SKAP1: variants seen among roughly 807,000 people sequenced by gnomAD.
SKAP1 encodes src kinase associated phosphoprotein 1, also known as src kinase-associated phosphoprotein 1.
Under a neutral mutation model 58.5 loss-of-function variants are expected in SKAP1, and 44 were observed. The observed-to-expected ratio is 0.75, with a 90% CI of 0.59 to 0.97. The LOEUF (loss-of-function observed/expected upper bound fraction) is 0.97. Among genes scored for constraint, SKAP1 ranks in the 50% least tolerant of loss-of-function variants. The pLI, the probability that SKAP1 is intolerant of heterozygous loss-of-function variation, is 0.00. For missense variants in SKAP1, 390 were observed against 435.2 expected (o/e 0.90, Z 0.92); for synonymous variants, 127 against 149.7 (o/e 0.85, Z 1.11).
intron 4 of SKAP1, among the ~76,000 whole-genome samples, chr17:48,227,275 C>T (rs970155635): frequency 5.9e-5 from 9 of 152,148 alleles, no homozygotes; most frequent in East Asian, 3.8e-4. Context: ...TTGTTCTGTG[C>T]GCTAGTCCTA....
At chr17:48,414,501 T>G (rs796684017) in intron 1 of SKAP1, among the ~76,000 whole-genome samples, 11 of 152,284 alleles carry the variant, frequency 7.2e-5, no homozygotes, top group African/African-American at 2.4e-4. Flanking sequence ...TGTAGCAATA[T>G]ACAGTATTTT....
intron 4 of SKAP1, among the ~76,000 whole-genome samples, chr17:48,263,228 A>G (rs2065503196): frequency 6.6e-6 from 1 of 152,222 alleles, no homozygotes; most frequent in Non-Finnish European, 1.5e-5. Flanking sequence ...TACAAGAAAT[A>G]CTGAAAGGGC....
At chr17:48,334,168 GTTAAAC>G (rs1283777980) in intron 4 of SKAP1, among the ~76,000 whole-genome samples, 2 of 151,866 alleles carry the variant, frequency 1.3e-5, no homozygotes, top group East Asian at 3.8e-4. Context: ...AGCTACACAA[GTTAAAC>G]TTCTGCAAAC....
At chr17:48,226,158 C>T (rs759909141) in intron 4 of SKAP1, among the ~76,000 whole-genome samples, 13 of 152,124 alleles carry the variant, frequency 8.5e-5, no homozygotes, top group Non-Finnish European at 1.6e-4. Flanking sequence ...CTACTGTCCC[C>T]CAAATAAACT....
chr17:48,224,236 G>A lies in SKAP1; in HGVS notation c.281-34736C>T, dbSNP rs564286896. Among the ~76,000 whole-genome samples, 33 of 152,330 alleles carry A rather than the reference G, an allele frequency of 2.2e-4. 2 individuals carry two copies. The South Asian group carries it at 6.4e-3, about 30-fold the overall frequency. Reference sequence around the variant, plus strand: ...TTTTGGTGGATATGTAGGTGTGGGTGTATTCTAAGAAATAAGCTAAACATT... The same window carrying A: ...TTTTGGTGGATATGTAGGTGTGGGTATATTCTAAGAAATAAGCTAAACATT... On this transcript the variant is annotated intron_variant, in intron 4 of 12. Transcript: ENST00000336915.
intron 4 of SKAP1, among the ~76,000 whole-genome samples, chr17:48,300,831 G>A (rs1270554745): frequency 6.6e-6 from 1 of 152,078 alleles, no homozygotes; most frequent in African/African-American, 2.4e-5. Context: ...CCTGCTCCAT[G>A]GCTTTTTACT....
At chr17:48,365,779 CTT>C (rs11320627) in intron 2 of SKAP1, among the ~76,000 whole-genome samples, 25,331 of 139,516 alleles carry the variant, frequency 0.18, 2,229 homozygotes, top group Middle Eastern at 0.2. Flanking sequence ...TGCGTCGGAG[CTT>C]TTTTTTTTTT....
chr17:48,404,227 C>T (rs1013876700), intron 1 of SKAP1, among the ~76,000 whole-genome samples: 5 of 151,884 alleles, frequency 3.3e-5, no homozygotes, highest in African/African-American at 9.7e-5. Context: ...CCGAGGCGGG[C>T]GGATCACCTG....
intron 2 of SKAP1, among the ~76,000 whole-genome samples, chr17:48,382,826 C>T (rs2067232712): frequency 6.6e-6 from 1 of 152,216 alleles, no homozygotes; most frequent in Non-Finnish European, 1.5e-5. Context: ...AAAGTATCTT[C>T]ACCCTCCAGG....
chr17:48,366,649 C>G (rs140063058), intron 2 of SKAP1, among the ~76,000 whole-genome samples: 2 of 152,102 alleles, frequency 1.3e-5, no homozygotes, highest in African/African-American at 4.8e-5. Context: ...CTGGCCACCA[C>G]GAAGAATTTT....
intron 3 of SKAP1, among the ~76,000 whole-genome samples, chr17:48,354,735 T>C (rs773194819): frequency 2.0e-5 from 3 of 152,198 alleles, no homozygotes; most frequent in Non-Finnish European, 4.4e-5. Flanking sequence ...AGAAGCCAAA[T>C]GAAAAATAAA....
At chr17:48,201,542 CTT>C in intron 4 of SKAP1, among the ~76,000 whole-genome samples, 1 of 152,272 alleles carries the variant, frequency 6.6e-6, no homozygotes, top group African/African-American at 2.4e-5. Flanking sequence ...CACCGCCACA[CTT>C]GGCTAATTTA....
Position 48,379,769 on chromosome 17 carries a change from C to T in SKAP1, c.153-15955G>A, listed in dbSNP as rs1029086534. On this transcript the variant is annotated intron_variant, in intron 2 of 12. Transcript: ENST00000336915. ...TAATCTCAGTTCACTGCAACCTCTG[C>T]CTCCCGGGTTCAAGCAATTCTCCTG... Among the ~76,000 whole-genome samples, 16 of 150,900 alleles carry T rather than the reference C, an allele frequency of 1.1e-4. No individual in the cohort carries two copies. The East Asian group carries it at 3.1e-3, about 29-fold the overall frequency.
At chr17:48,364,230 A>G (rs1264745176) in intron 2 of SKAP1, among the ~76,000 whole-genome samples, 1 of 151,720 alleles carries the variant, frequency 6.6e-6, no homozygotes, top group Non-Finnish European at 1.5e-5. Flanking sequence ...TAACAGTCAA[A>G]CCCCACCACC....
intron 4 of SKAP1, among the ~76,000 whole-genome samples, chr17:48,270,316 T>C (rs546354949): frequency 6.6e-6 from 1 of 152,220 alleles, no homozygotes; most frequent in East Asian, 1.9e-4. Context: ...AAGTCAGTCT[T>C]TAAAAATTTT....
chr17:48,257,764 GA>G (rs1339021424), intron 4 of SKAP1, among the ~76,000 whole-genome samples: 32 of 150,294 alleles, frequency 2.1e-4, no homozygotes, highest in Admixed American at 2.7e-4. Flanking sequence ...TAACACTATA[GA>G]AAAAAACTAC....
At chr17:48,278,898 T>A (rs944087116) in intron 4 of SKAP1, among the ~76,000 whole-genome samples, 3 of 152,148 alleles carry the variant, frequency 2.0e-5, no homozygotes, top group African/African-American at 7.2e-5. Flanking sequence ...CCTCCCCTCT[T>A]ACACACCAGG....
At chr17:48,285,861 G>T (rs2065823864) in intron 4 of SKAP1, among the ~76,000 whole-genome samples, 1 of 152,166 alleles carries the variant, frequency 6.6e-6, no homozygotes, top group Non-Finnish European at 1.5e-5. Flanking sequence ...TTCCTGATTT[G>T]CCACAGCTGA....
intron 4 of SKAP1, among the ~76,000 whole-genome samples, chr17:48,250,359 G>C (rs2065349652): frequency 7.9e-6 from 1 of 126,086 alleles, no homozygotes; most frequent in African/African-American, 3.1e-5. Context: ...TCAGTTCACT[G>C]CAACCTCTGC....
Sources: gnomAD v4.1 joint callset for allele counts (sites outside exome capture counted in the v4.1 genomes callset) on GRCh38, gnomAD v4.1.1 for gene constraint, MANE v1.5 for transcripts, NCBI Gene and HGNC (gene_info 2026-07-23, HGNC 2026-07-21) for gene names.